The following AFF2 variants were observed in gnomAD, a reference collection of about 807,000 sequenced individuals.
The protein encoded by AFF2 is ALF transcription elongation factor 2.
In AFF2, 14 loss-of-function variants were observed where a neutral mutation model predicts 76.9. The observed-to-expected ratio is 0.18, with a 90% CI of 0.12 to 0.28. The LOEUF (loss-of-function observed/expected upper bound fraction) is 0.28, where lower values mean the gene tolerates loss of function less well. Ranked by LOEUF, AFF2 falls within the 10% of genes least tolerant of loss-of-function variation. AFF2 has a pLI of 1.00. For synonymous variants in AFF2, 398 were observed against 366.7 expected (o/e 1.09, Z -0.98); for missense variants, 868 against 1,001.1 (o/e 0.87, Z 1.79).
chrX:148,929,536 T>C (rs2071688884), intron 9 of AFF2, among the ~76,000 whole-genome samples: 1 of 112,195 alleles, frequency 8.9e-6, no homozygotes, highest in African/African-American at 3.2e-5. Context: ...TTTCCTCAAG[T>C]GGCAAAACAG....
intron 7 of AFF2, among the ~76,000 whole-genome samples, chrX:148,874,569 C>T (rs1161185327): frequency 9.0e-6 from 1 of 111,615 alleles, no homozygotes; most frequent in African/African-American, 3.3e-5. Context: ...ACATTGTTAC[C>T]CCTAAGGAAA....
At chrX:148,760,540 G>A (rs1319542716) in intron 3 of AFF2, among the ~76,000 whole-genome samples, 1 of 112,435 alleles carries the variant, frequency 8.9e-6, no homozygotes, top group East Asian at 2.8e-4. Flanking sequence ...CACAGGGAAG[G>A]AGGTTTTTAA....
At chrX:148,524,791 TG>T (rs1557234993) in intron 1 of AFF2, among the ~76,000 whole-genome samples, 2 of 112,199 alleles carry the variant, frequency 1.8e-5, no homozygotes, top group African/African-American at 6.5e-5. Context: ...GCGGCATGTG[TG>T]TCCTGGGACA....
chrX:148,721,496 G>A (rs1309516576), intron 3 of AFF2, among the ~76,000 whole-genome samples: 2 of 112,063 alleles, frequency 1.8e-5, no homozygotes, highest in Non-Finnish European at 3.8e-5. Context: ...CTAGTGCTTA[G>A]CAGATAGAAC....
intron 3 of AFF2, among the ~76,000 whole-genome samples, chrX:148,705,962 A>G (rs1382063406): frequency 1.8e-5 from 2 of 111,726 alleles, no homozygotes; most frequent in Admixed American, 9.5e-5. Context: ...CCTTCTAACT[A>G]TGCAATCCTG....
chrX:148,720,020 A>C (rs1462874296), intron 3 of AFF2, among the ~76,000 whole-genome samples: 2 of 110,583 alleles, frequency 1.8e-5, no homozygotes, highest in African/African-American at 3.3e-5. Context: ...CCATTCCCCC[A>C]ACTCTACTCT....
At chrX:148,773,151 T>C (rs1569555302) in intron 3 of AFF2, among the ~76,000 whole-genome samples, 1 of 111,631 alleles carries the variant, frequency 9.0e-6, no homozygotes, top group Non-Finnish European at 1.9e-5. Flanking sequence ...CTTGAATATA[T>C]AAAAAATACT....
chrX:148,856,394 G>A (rs1355624863), intron 7 of AFF2, among the ~76,000 whole-genome samples: 1 of 111,903 alleles, frequency 8.9e-6, no homozygotes, highest in Non-Finnish European at 1.9e-5. Flanking sequence ...GAAGAACTGG[G>A]TTTCATGACT....
chrX:148,625,580 T>C (rs183890550), intron 1 of AFF2, among the ~76,000 whole-genome samples: 2 of 110,844 alleles, frequency 1.8e-5, no homozygotes, highest in East Asian at 5.7e-4. Flanking sequence ...CTTCCTCCTC[T>C]GGACTGGATG....
intron 7 of AFF2, among the ~76,000 whole-genome samples, chrX:148,877,734 T>C (rs1450513640): frequency 5.4e-5 from 6 of 111,999 alleles, no homozygotes; most frequent in Non-Finnish European, 7.5e-5. Flanking sequence ...TTGCCATGCA[T>C]CACATAGGAC....
chrX:148,684,928 T>G (rs1557260215), intron 3 of AFF2, among the ~76,000 whole-genome samples: 2 of 112,538 alleles, frequency 1.8e-5, no homozygotes, highest in Non-Finnish European at 3.8e-5. Flanking sequence ...TGTTTAGGAA[T>G]CAAAGCAGTT....
rs2072597087 is a variant in AFF2, at chrX:148,996,204, G to T, written c.*4872G>T. 8.9e-6 allele frequency: 1 copy of T among 112,476 alleles called. No individual in the cohort carries two copies. 9.3% of individuals were successfully genotyped at this position (112,476 alleles called of 1,213,427 possible). On this transcript the variant is annotated 3_prime_UTR_variant, in exon 21 of 21. Transcript: ENST00000370460. Reference sequence around the variant, plus strand: ...GGAGGAAGGAGACCCTGGACAGTAAGCAAAATTGGAGACACTCCAACGAGG... The same window carrying T: ...GGAGGAAGGAGACCCTGGACAGTAATCAAAATTGGAGACACTCCAACGAGG...
intron 1 of AFF2, among the ~76,000 whole-genome samples, chrX:148,591,473 A>G (rs1382939011): frequency 5.3e-5 from 6 of 112,459 alleles, no homozygotes; most frequent in African/African-American, 1.9e-4. Flanking sequence ...GCTAATAATC[A>G]TTTCTGCTCT....
chrX:148,706,084 C>A (rs1557262371), intron 3 of AFF2, among the ~76,000 whole-genome samples: 1 of 111,942 alleles, frequency 8.9e-6, no homozygotes, highest in Non-Finnish European at 1.9e-5. Flanking sequence ...TTCTTAAACC[C>A]TTAACTTATT....
At chrX:148,922,914 T>C (rs1437861537) in intron 9 of AFF2, among the ~76,000 whole-genome samples, 2 of 112,308 alleles carry the variant, frequency 1.8e-5, no homozygotes, top group East Asian at 5.5e-4. Context: ...ACATTCATTA[T>C]TCATTGCAAT....
At chrX:148,788,687 A>T (rs1037751458) in intron 3 of AFF2, among the ~76,000 whole-genome samples, 7 of 112,175 alleles carry the variant, frequency 6.2e-5, no homozygotes, top group African/African-American at 1.3e-4. Context: ...CACTGCTCTC[A>T]GTAACTCCCA....
intron 4 of AFF2, among the ~76,000 whole-genome samples, chrX:148,825,339 A>C (rs782252445): frequency 3.1e-4 from 35 of 111,896 alleles, no homozygotes; most frequent in Non-Finnish European, 5.8e-4. Flanking sequence ...TGTATTATTG[A>C]GTGGATTAAA....
At chrX:148,903,882 A>C (rs782079293) in intron 8 of AFF2, among the ~76,000 whole-genome samples, 1 of 111,138 alleles carries the variant, frequency 9.0e-6, no homozygotes, top group African/African-American at 3.3e-5. Context: ...AGCAGGTCCA[A>C]ACACGGTAAG....
At chrX:148,898,442 G>C (rs1557280554) in intron 8 of AFF2, among the ~76,000 whole-genome samples, 1 of 112,298 alleles carries the variant, frequency 8.9e-6, no homozygotes. Flanking sequence ...GAAGTGAGGT[G>C]GCAGTGGCCA....
Sources: allele counts gnomAD v4.1 joint callset (sites outside exome capture counted in the v4.1 genomes callset), GRCh38; gene constraint gnomAD v4.1.1; transcripts MANE v1.5; gene names NCBI Gene and HGNC (gene_info 2026-07-23, HGNC 2026-07-21).